CDKL4: variants seen among roughly 807,000 people sequenced by gnomAD.
CDKL4 encodes the protein cyclin dependent kinase like 4, also known as cyclin-dependent kinase-like 4.
A neutral mutation model predicts 42.0 loss-of-function variants in CDKL4; 44 were observed. The observed-to-expected ratio is 1.05, with a 90% CI of 0.82 to 1.35. CDKL4 has a LOEUF of 1.35. Among genes scored for constraint, CDKL4 ranks in the 40% most tolerant of loss-of-function variants. The pLI, the probability that CDKL4 is intolerant of heterozygous loss-of-function variation, is 0.00. For missense variants in CDKL4, 393 were observed against 369.9 expected (o/e 1.06, Z -0.51); for synonymous variants, 120 against 121.6 (o/e 0.99, Z 0.09).
At chr2:39,220,979 T>C (rs1678293026) in intron 3 of CDKL4, among the ~76,000 whole-genome samples, 1 of 25,018 alleles carries the variant, frequency 4.0e-5, no homozygotes, top group Non-Finnish European at 1.4e-4. Context: ...CGACGATCTT[T>C]TTTTTTTTTT....
intron 7 of CDKL4, 85 bp from the exon 8 acceptor site, chr2:39,184,732 G>T: frequency 1.3e-6 from 1 of 792,448 alleles, no homozygotes; most frequent in East Asian, 2.7e-5. Flanking sequence ...ATGTGTGTGT[G>T]TGTGTGTGTG....
downstream of CDKL4, among the ~76,000 whole-genome samples, chr2:39,175,301 C>T (rs999974603): frequency 6.6e-5 from 10 of 152,178 alleles, no homozygotes; most frequent in African/African-American, 2.4e-4. Context: ...CAAAGGACAG[C>T]AGTCAATTAT....
intron 1 of CDKL4, among the ~76,000 whole-genome samples, chr2:39,230,028 A>G (rs1316410092): frequency 1.3e-5 from 2 of 152,276 alleles, no homozygotes; most frequent in Non-Finnish European, 2.9e-5. Flanking sequence ...AAAAAGTGCT[A>G]TACTTCCACC....
At chr2:39,204,421 C>A in intron 5 of CDKL4, 106 bp downstream of exon 5, 2 of 729,536 alleles carry the variant, frequency 2.7e-6, no homozygotes, top group South Asian at 3.2e-5. Flanking sequence ...TTTTGAATAA[C>A]AACAATACAA....
At chr2:39,235,618 A>C (rs1679327992) in intron 1 of CDKL4, among the ~76,000 whole-genome samples, 1 of 152,148 alleles carries the variant, frequency 6.6e-6, no homozygotes, top group African/African-American at 2.4e-5. Context: ...GTGGTGGTAC[A>C]TGCCAGTATT....
At position 39,185,337 on chromosome 2, in the gene CDKL4, T is replaced by TATATAC. The variant is rs1491022609; in HGVS notation, c.736-691_736-690insGTATAT. On this transcript the variant is annotated intron_variant, in intron 7 of 9. Coordinates refer to ENST00000451199, the Ensembl canonical transcript of CDKL4. Reference sequence around the variant, plus strand: ...ATATACATATATATACACATATGTATATATATACACATATGTATATATACA... The same window carrying TATATAC: ...ATATACATATATATACACATATGTATATATACATATATACACATATGTATATATACA... Among the ~76,000 whole-genome samples the TATATAC allele has an allele frequency of 4.2e-5, 4 of 95,534 alleles. 1 individual carries two copies. Among genetic ancestry groups the TATATAC allele is most frequent in the African/African-American group, 1.7e-4 (3 of 18,116 alleles). 62.7% of individuals were successfully genotyped at this position (95,534 alleles called of 152,430 possible).
chr2:39,221,319 T>G (rs1383871530), intron 3 of CDKL4, among the ~76,000 whole-genome samples: 1 of 152,080 alleles, frequency 6.6e-6, no homozygotes, highest in African/African-American at 2.4e-5. Context: ...CCGTCCACAT[T>G]GATGATCTTA....
intron 3 of CDKL4, among the ~76,000 whole-genome samples, chr2:39,218,793 T>C (rs1246982912): frequency 6.6e-6 from 1 of 152,186 alleles, no homozygotes; most frequent in African/African-American, 2.4e-5. Flanking sequence ...CCTTAGGACT[T>C]GGCCTGAATT....
chr2:39,177,292 C>CAAGGT (rs1457592281), intron 9 of CDKL4, among the ~76,000 whole-genome samples: 1 of 152,044 alleles, frequency 6.6e-6, no homozygotes. Context: ...CGAGGCAAGG[C>CAAGGT]AAGGTCTGTG....
intron 1 of CDKL4, among the ~76,000 whole-genome samples, chr2:39,236,272 A>G (rs1679371456): frequency 6.6e-6 from 1 of 152,154 alleles, no homozygotes; most frequent in South Asian, 2.1e-4. Context: ...AAAATGAAAG[A>G]AGAAAAACAA....
At chr2:39,221,517 A>T (rs947350377) in intron 3 of CDKL4, among the ~76,000 whole-genome samples, 2 of 152,172 alleles carry the variant, frequency 1.3e-5, no homozygotes, top group African/African-American at 4.8e-5. Context: ...GAATGCTTTA[A>T]ATTAATCATT....
chr2:39,213,204 C>G (rs1253480134), intron 4 of CDKL4, among the ~76,000 whole-genome samples, 196 bp downstream of exon 4: 1 of 152,006 alleles, frequency 6.6e-6, no homozygotes, highest in Non-Finnish European at 1.5e-5. Flanking sequence ...AGGCCTGTCT[C>G]AAACTCTGGG....
chr2:39,200,265 G>A (rs1676768483), intron 5 of CDKL4, among the ~76,000 whole-genome samples: 1 of 151,928 alleles, frequency 6.6e-6, no homozygotes, highest in African/African-American at 2.4e-5. Context: ...AAAATACTTA[G>A]GAATATACTT....
At chr2:39,239,656 A>AC (rs1392085067) in intron 1 of CDKL4, among the ~76,000 whole-genome samples, 1 of 152,272 alleles carries the variant, frequency 6.6e-6, no homozygotes, top group Admixed American at 6.5e-5. Flanking sequence ...AGATAGCATT[A>AC]CATACACATT....
intron 1 of CDKL4, among the ~76,000 whole-genome samples, chr2:39,240,677 T>TAAAAAAA (rs768356807): frequency 2.4e-3 from 212 of 86,630 alleles, no homozygotes; most frequent in Middle Eastern, 5.7e-3. Context: ...AGATGAACAT[T>TAAAAAAA]AAAAAAAAAA....
intron 8 of CDKL4, among the ~76,000 whole-genome samples, chr2:39,180,626 G>T (rs191186562): frequency 5.3e-5 from 8 of 151,886 alleles, no homozygotes; most frequent in Non-Finnish European, 1.2e-4. Context: ...TCCAGCTGCT[G>T]CTGGAAAAAC....
chr2:39,179,082 C>T, intron 9 of CDKL4, 105 bp downstream of exon 9: 1 of 1,524,388 alleles, frequency 6.6e-7, no homozygotes, highest in South Asian at 1.4e-5. Flanking sequence ...TACACCAGTA[C>T]AAATGAAAGG....
At chr2:39,243,150 A>T (rs944380482) in intron 1 of CDKL4, among the ~76,000 whole-genome samples, 2 of 111,394 alleles carry the variant, frequency 1.8e-5, no homozygotes, top group African/African-American at 5.6e-5. Context: ...AAAAAAAAAA[A>T]AGGAATGACG....
At chr2:39,169,108 T>A in the CDKL4 span, among the ~76,000 whole-genome samples, 3 of 152,204 alleles carry the variant, frequency 2.0e-5, no homozygotes. Context: ...ATCTGTAAAA[T>A]TTAATTATCA....
Sources: allele counts gnomAD v4.1 joint callset (sites outside exome capture counted in the v4.1 genomes callset), GRCh38; gene constraint gnomAD v4.1.1; transcripts MANE v1.5; gene names NCBI Gene and HGNC (gene_info 2026-07-23, HGNC 2026-07-21).